The following RFX6 variants were observed in gnomAD, a reference collection of about 807,000 sequenced individuals.
The protein encoded by RFX6 is DNA-binding protein RFX6.
In RFX6, 50 loss-of-function variants were observed where a neutral mutation model predicts 110.8. That is an observed-to-expected ratio of 0.45 (90% confidence interval 0.36 to 0.57). RFX6 has a LOEUF of 0.57. RFX6 is among the 20% of genes least tolerant of loss of function. RFX6 has a pLI of 0.00. For synonymous variants in RFX6, 383 were observed against 411.2 expected (o/e 0.93, Z 0.83); for missense variants, 990 against 1,127.0 (o/e 0.88, Z 1.74).
At chr6:116,917,495 C>T (rs538594322) in intron 9 of RFX6, among the ~76,000 whole-genome samples, 4 of 152,200 alleles carry the variant, frequency 2.6e-5, no homozygotes, top group African/African-American at 7.2e-5. Context: ...ACCTGGGGCT[C>T]ATGCACACAA....
intron 6 of RFX6, among the ~76,000 whole-genome samples, chr6:116,909,167 CCTAA>C (rs1290624430): frequency 6.6e-6 from 1 of 151,910 alleles, no homozygotes; most frequent in African/African-American, 2.4e-5. Flanking sequence ...TTCCTTTATT[CCTAA>C]CTGCGATTTA....
chr6:116,917,589 T>C (rs1241009814), intron 9 of RFX6, among the ~76,000 whole-genome samples: 1 of 152,086 alleles, frequency 6.6e-6, no homozygotes, highest in African/African-American at 2.4e-5. Flanking sequence ...CTTTAAGTGA[T>C]CTGTTTTTTT....
chr6:116,928,047 G>T (rs573624907), intron 17 of RFX6, among the ~76,000 whole-genome samples: 1 of 148,314 alleles, frequency 6.7e-6, no homozygotes, highest in African/African-American at 2.5e-5. Flanking sequence ...AACACCCCCG[G>T]CCTAAAGCTG....
In RFX6 at chr6:116,877,397, C is replaced by A. The variant is rs1177474267; in HGVS notation, c.122C>A (p.Pro41Gln). ...CTGGGCAAGGGCTTGCTAGTCTATC[C>A]GGAAGAAACAGTGTACCTGGCGGCC... ...QLLGKGLLVY[P>Q]EETVYLAAEG... The change falls in exon 1 of 19, where the codon CCG becomes CAG. Residue 41 changes from proline (P) to glutamine (Q), a missense_variant. Pro to Gln is a moderately conservative substitution (Grantham distance 76). Coordinates refer to ENST00000332958, the MANE Select transcript of RFX6 (RefSeq NM_173560.4). 2 of 1,607,764 alleles carry A rather than the reference C, an allele frequency of 1.2e-6. No individual in the cohort carries two copies. Among genetic ancestry groups the A allele is most frequent in the Admixed American group, 3.4e-5 (2 of 59,306 alleles).
At chr6:116,919,320 G>C (rs772205300) in intron 11 of RFX6, 24 bp downstream of exon 11, 10 of 1,602,054 alleles carry the variant, frequency 6.2e-6, no homozygotes, top group Non-Finnish European at 7.7e-6. Flanking sequence ...TAAGTCGAGA[G>C]CATTTGAGTC....
chr6:116,916,346 C>G (rs1346084621), intron 9 of RFX6, 32 bp downstream of exon 9: 1 of 1,246,196 alleles, frequency 8.0e-7, no homozygotes, highest in East Asian at 2.3e-5. Context: ...AAACATGAGC[C>G]ATTTATTTCT....
intron 4 of RFX6, among the ~76,000 whole-genome samples, chr6:116,893,062 G>A (rs1774864837): frequency 6.6e-6 from 1 of 152,104 alleles, no homozygotes; most frequent in South Asian, 2.1e-4. Context: ...ATGTCCACTG[G>A]AAATCCCCTC....
intron 14 of RFX6, 78 bp from the exon 15 acceptor site, chr6:116,924,589 TTC>T: frequency 7.8e-7 from 1 of 1,281,400 alleles, no homozygotes; most frequent in Non-Finnish European, 1.1e-6. Flanking sequence ...GATAACTGAC[TTC>T]TCTTTCCCTT....
intron 7 of RFX6, among the ~76,000 whole-genome samples, chr6:116,913,617 A>T (rs780220223): frequency 6.7e-4 from 102 of 152,218 alleles, no homozygotes; most frequent in Non-Finnish European, 1.3e-3. Context: ...ATTAAAATTC[A>T]TTGCGCTAAG....
chr6:116,895,047 A>C, intron 5 of RFX6, 133 bp from the exon 6 acceptor site: 1 of 555,080 alleles, frequency 1.8e-6, no homozygotes, highest in Non-Finnish European at 3.3e-6. Flanking sequence ...ATTTCTTTAA[A>C]AAAAGCAAAT....
At chr6:116,908,275 T>C (rs1017383245) in intron 6 of RFX6, among the ~76,000 whole-genome samples, 7 of 152,254 alleles carry the variant, frequency 4.6e-5, no homozygotes, top group African/African-American at 1.7e-4. Flanking sequence ...GCCTGGCTTA[T>C]TTCACTTGCC....
rs1410451656 is a variant in RFX6 at position 116,895,636 on chromosome 6, T to A, written c.672+429T>A. Among the ~76,000 whole-genome samples the A allele has an allele frequency of 5.0e-5, 7 of 140,344 alleles. No homozygotes were observed. In the Admixed American group the frequency reaches 5.1e-4, roughly 10 times the overall value. 92.1% of individuals were successfully genotyped at this position (140,344 alleles called of 152,430 possible). On this transcript the variant is annotated intron_variant, in intron 6 of 18. Coordinates refer to ENST00000332958, the MANE Select transcript of RFX6 (RefSeq NM_173560.4). ...TATGCTACACTATGGTTTGTTTTACTACTTTGTGTACACACACACACACAC... is the reference window on the plus strand; with the variant it reads ...TATGCTACACTATGGTTTGTTTTACAACTTTGTGTACACACACACACACAC...
intron 6 of RFX6, among the ~76,000 whole-genome samples, chr6:116,904,927 G>A (rs1263706652): frequency 1.3e-5 from 2 of 152,172 alleles, no homozygotes; most frequent in African/African-American, 4.8e-5. Context: ...ATCTGTCGAT[G>A]GACAAGTGGG....
At position 116,916,002 on chromosome 6, in the gene RFX6, A is replaced by T. The variant is rs1039365108; in HGVS notation, c.781-6A>T. Reference sequence around the variant, plus strand: ...CTTTGGTTAAGCTTTTTCTTCCTTGAAATAGGTTGATACGCTCATAATGAT... The same window carrying T: ...CTTTGGTTAAGCTTTTTCTTCCTTGTAATAGGTTGATACGCTCATAATGAT... On this transcript the variant is annotated splice_region_variant and splice_polypyrimidine_tract_variant and intron_variant, in intron 7 of 18. Coordinates refer to ENST00000332958, the MANE Select transcript of RFX6 (RefSeq NM_173560.4). The T allele has an allele frequency of 1.3e-5, 20 of 1,599,504 alleles. No individual in the cohort carries two copies. The highest frequency in any genetic ancestry group is 3.5e-4 in the Middle Eastern group (2 of 5,658).
intron 7 of RFX6, among the ~76,000 whole-genome samples, chr6:116,915,604 TTAC>T (rs1017498509): frequency 6.6e-6 from 1 of 152,174 alleles, no homozygotes; most frequent in African/African-American, 2.4e-5. Flanking sequence ...TTGATGTATT[TTAC>T]TACTTTATGT....
chr6:116,905,943 A>G (rs1049753295), intron 6 of RFX6, among the ~76,000 whole-genome samples: 4 of 73,002 alleles, frequency 5.5e-5, no homozygotes, highest in Admixed American at 2.6e-4. Flanking sequence ...TTCCTTCTAA[A>G]CATGTTTCCT....
At chr6:116,886,743 T>C (rs1323320131) in intron 4 of RFX6, among the ~76,000 whole-genome samples, 1 of 152,006 alleles carries the variant, frequency 6.6e-6, no homozygotes, top group Non-Finnish European at 1.5e-5. Flanking sequence ...ATGGAAGAGA[T>C]AAAATATTTA....
intron 4 of RFX6, 95 bp downstream of exon 4, chr6:116,882,523 C>A: frequency 1.2e-6 from 1 of 861,912 alleles, no homozygotes; most frequent in Non-Finnish European, 2.0e-6. Context: ...ACAAAGAGAA[C>A]CAGGTATTCT....
rs530879493 is a variant in RFX6, at chr6:116,890,157, C to A, written c.567-3830C>A. ...ATCTTTTGCATCTTGAGTGTGGAGG[C>A]AATATGGTTTGTGGAATCATGGGTT... On this transcript the variant is annotated intron_variant, in intron 4 of 18. Transcript: ENST00000332958. Among the ~76,000 whole-genome samples, 5 of 152,158 alleles carry A rather than the reference C, an allele frequency of 3.3e-5. No homozygotes were observed. The East Asian group carries it at 7.7e-4, about 23-fold the overall frequency.
Sources: allele counts gnomAD v4.1 joint callset (sites outside exome capture counted in the v4.1 genomes callset), GRCh38; gene constraint gnomAD v4.1.1; transcripts MANE v1.5; gene names NCBI Gene and HGNC (gene_info 2026-07-23, HGNC 2026-07-21).